Variants in PEX14 observed in about 807,000 individuals in gnomAD.
PEX14 encodes peroxisomal membrane protein PEX14.
Under a neutral mutation model 49.5 loss-of-function variants are expected in PEX14, and 15 were observed. The observed-to-expected ratio is 0.30, with a 90% CI of 0.20 to 0.47. PEX14 has a LOEUF of 0.47. Among genes scored for constraint, PEX14 ranks in the 20% least tolerant of loss-of-function variants. The probability of loss-of-function intolerance (pLI) is 1.00; values close to 1 mark genes in which losing one functional copy is unlikely to be tolerated. For missense variants in PEX14, 398 were observed against 494.8 expected, an observed-to-expected ratio of 0.80 and a Z score of 1.86; for synonymous variants, 210 against 212.7, an observed-to-expected ratio of 0.99 and a Z score of 0.11.
intron 1 of PEX14, among the ~76,000 whole-genome samples, chr1:10,476,575 A>G (rs1238264854): frequency 6.6e-6 from 1 of 151,968 alleles, no homozygotes; most frequent in Non-Finnish European, 1.5e-5. Context: ...ATCTCGGCTC[A>G]CTGCCTCCCG....
At chr1:10,587,465 TAAC>T (rs1288398798) in intron 3 of PEX14, among the ~76,000 whole-genome samples, 2 of 151,808 alleles carry the variant, frequency 1.3e-5, no homozygotes, top group Non-Finnish European at 2.9e-5. Flanking sequence ...ATAAATAAAA[TAAC>T]GAGACAATTT....
chr1:10,543,700 G>A (rs906880862), intron 3 of PEX14, among the ~76,000 whole-genome samples: 1 of 151,774 alleles, frequency 6.6e-6, no homozygotes, highest in African/African-American at 2.4e-5. Context: ...TTGAACTTCT[G>A]GGCTCAAGCG....
intron 4 of PEX14, among the ~76,000 whole-genome samples, chr1:10,605,180 CAG>C (rs1212187792): frequency 3.9e-5 from 6 of 152,076 alleles, no homozygotes; most frequent in Non-Finnish European, 7.4e-5. Flanking sequence ...AATGGATTAA[CAG>C]GGGTGGAAAT....
At chr1:10,618,823 C>T (rs1641509804) in intron 5 of PEX14, among the ~76,000 whole-genome samples, 3 of 152,222 alleles carry the variant, frequency 2.0e-5, no homozygotes, top group South Asian at 2.1e-4. Context: ...TGGCTCTGCC[C>T]CTCAGGAGCT....
intron 1 of PEX14, among the ~76,000 whole-genome samples, chr1:10,482,215 G>A (rs1488799359): frequency 6.6e-6 from 1 of 152,112 alleles, no homozygotes; most frequent in East Asian, 1.9e-4. Flanking sequence ...TGCAACCTCT[G>A]CCTCCCAGGT....
At chr1:10,506,278 T>C (rs1378430074) in intron 2 of PEX14, among the ~76,000 whole-genome samples, 2 of 152,074 alleles carry the variant, frequency 1.3e-5, no homozygotes, top group Non-Finnish European at 2.9e-5. Context: ...TGTGTTCTTT[T>C]TTTGTGTGTT....
chr1:10,570,019 A>T (rs772161057), intron 3 of PEX14, among the ~76,000 whole-genome samples: 2 of 152,012 alleles, frequency 1.3e-5, no homozygotes, highest in African/African-American at 4.8e-5. Flanking sequence ...CGATAGTTGG[A>T]TGGTAGATGT....
chr1:10,587,920 T>TTTAAAA (rs1453146872), intron 3 of PEX14, among the ~76,000 whole-genome samples: 1 of 64,074 alleles, frequency 1.6e-5, no homozygotes, highest in African/African-American at 6.7e-5. Flanking sequence ...TTTTTTTTTT[T>TTTAAAA]AAAAAAAAAA....
chr1:10,531,479 C>T (rs1638649009), intron 2 of PEX14, among the ~76,000 whole-genome samples: 1 of 152,160 alleles, frequency 6.6e-6, no homozygotes, highest in Admixed American at 6.5e-5. Context: ...TGGGTATCTA[C>T]TTTAGTGTAT....
intron 3 of PEX14, among the ~76,000 whole-genome samples, chr1:10,589,448 A>T (rs1640595530): frequency 6.6e-6 from 1 of 152,268 alleles, no homozygotes; most frequent in South Asian, 2.1e-4. Flanking sequence ...TTGAATTCAG[A>T]GTGTAAGTTG....
rs1422702010 is a variant in PEX14 at position 10,512,711 on chromosome 1, A to AT, written c.84+17396dup. On this transcript the variant is annotated intron_variant, in intron 2 of 8. Transcript: ENST00000356607. The surrounding 1 kb of genome is among the most constrained non-coding windows in gnomAD (Gnocchi z 4.6). The stretch of plus-strand genomic sequence containing the variant: ...TTCCTTCTTTTTTTTTTTAACTTTT[A>AT]TTTTTTATGATGGAGTCTTGCTCTG... 6.7e-6 allele frequency among the ~76,000 whole-genome samples: 1 copy of AT among 149,228 alleles called. No homozygotes were observed. The highest frequency in any genetic ancestry group is 1.5e-5 in the Non-Finnish European group (1 of 67,144).
chr1:10,487,940 C>T (rs750832003), intron 1 of PEX14, among the ~76,000 whole-genome samples: 1 of 150,632 alleles, frequency 6.6e-6, no homozygotes, highest in Non-Finnish European at 1.5e-5. Context: ...GTTACCACAC[C>T]TGGCTAATTT....
chr1:10,550,404 C>T, intron 3 of PEX14, among the ~76,000 whole-genome samples: 2 of 152,208 alleles, frequency 1.3e-5, no homozygotes, highest in East Asian at 3.8e-4. Context: ...TCCATGTCAG[C>T]TGTGACCAAG....
chr1:10,617,650 C>T (rs901375767), intron 4 of PEX14, among the ~76,000 whole-genome samples: 23 of 152,216 alleles, frequency 1.5e-4, no homozygotes, highest in African/African-American at 5.5e-4. Context: ...TCCCCTCCAG[C>T]CCCCAAGGGC....
intron 3 of PEX14, among the ~76,000 whole-genome samples, chr1:10,595,987 C>T (rs751110406): frequency 6.6e-6 from 1 of 152,186 alleles, no homozygotes; most frequent in African/African-American, 2.4e-5. Context: ...AATCTAAGAT[C>T]AGCAGTTTGT....
intron 2 of PEX14, among the ~76,000 whole-genome samples, chr1:10,508,731 C>T (rs766685990): frequency 6.6e-6 from 1 of 152,250 alleles, no homozygotes; most frequent in Non-Finnish European, 1.5e-5. Context: ...TTGGCCGTGA[C>T]ATTTCAGCCA....
intron 3 of PEX14, among the ~76,000 whole-genome samples, chr1:10,584,234 T>C (rs1395632411): frequency 6.6e-6 from 1 of 151,984 alleles, no homozygotes; most frequent in East Asian, 1.9e-4. Context: ...AAGTTTGGAG[T>C]TGTCATTAAC....
At chr1:10,589,961 G>C (rs1269606877) in intron 3 of PEX14, among the ~76,000 whole-genome samples, 1 of 152,188 alleles carries the variant, frequency 6.6e-6, no homozygotes, top group African/African-American at 2.4e-5. Context: ...GGAAGTCAGA[G>C]ATGTCAGTGT....
chr1:10,552,399 G>A (rs1320807641), intron 3 of PEX14, among the ~76,000 whole-genome samples: 5 of 152,182 alleles, frequency 3.3e-5, no homozygotes, highest in Non-Finnish European at 7.3e-5. Context: ...CTGAGATCAC[G>A]CCATTGTACT....
Sources: allele counts gnomAD v4.1 joint callset (sites outside exome capture counted in the v4.1 genomes callset), GRCh38; gene constraint gnomAD v4.1.1; non-coding constraint Gnocchi (gnomAD v3.1); transcripts MANE v1.5; gene names NCBI Gene and HGNC (gene_info 2026-07-23, HGNC 2026-07-21).